The following NUDCD3 variants were observed in gnomAD, a reference collection of about 807,000 sequenced individuals.
NUDCD3 encodes the protein NudC domain containing 3, also known as nudC domain-containing protein 3.
Under a neutral mutation model 39.7 loss-of-function variants are expected in NUDCD3, and 13 were observed. The observed-to-expected ratio is 0.33, with a 90% CI of 0.21 to 0.52. The LOEUF (loss-of-function observed/expected upper bound fraction) is 0.52, where lower values mean the gene tolerates loss of function less well. Ranked by LOEUF, NUDCD3 falls within the 20% of genes least tolerant of loss-of-function variation. The pLI is 0.96. For synonymous variants in NUDCD3, 175 were observed against 172.4 expected (o/e 1.02, Z -0.12); for missense variants, 453 against 458.1 (o/e 0.99, Z 0.10).
intron 2 of NUDCD3, among the ~76,000 whole-genome samples, chr7:44,448,447 T>A (rs988836098): frequency 6.6e-6 from 1 of 152,178 alleles, no homozygotes; most frequent in African/African-American, 2.4e-5. Context: ...ATAGTAACTG[T>A]GATGTAATTC....
chr7:44,405,695 T>C (rs1798807201), intron 3 of NUDCD3, among the ~76,000 whole-genome samples: 1 of 152,256 alleles, frequency 6.6e-6, no homozygotes, highest in African/African-American at 2.4e-5. Context: ...GAGTTTAGTA[T>C]TTCCAATGAA....
rs1798350801 is a variant in NUDCD3 at position 44,383,890 on chromosome 7, A to G, written c.*2121T>C. ...AAGGCGCGCAGGGACAGGCTCCACA[A>G]CCACACCAAGCACCGCAGTGTGGCA... On this transcript the variant is annotated 3_prime_UTR_variant, in exon 6 of 6. Coordinates refer to ENST00000355451, the MANE Select transcript of NUDCD3 (RefSeq NM_015332.4). The G allele has an allele frequency of 2.0e-5, 3 of 152,300 alleles. No individual in the cohort carries two copies. In the South Asian group the frequency reaches 6.2e-4, roughly 32 times the overall value. The allele number at this position is 152,300 out of a possible 1,614,324, so 9.4% of individuals were successfully genotyped here. A position where few individuals can be genotyped will look rare whatever the true frequency, so the allele number is the denominator to read the frequency against.
intron 3 of NUDCD3, among the ~76,000 whole-genome samples, chr7:44,418,367 C>T (rs373009997): frequency 1.4e-4 from 21 of 152,322 alleles, no homozygotes; most frequent in Admixed American, 3.9e-4. Flanking sequence ...GCCAGCACCA[C>T]TTGTATGTAT....
At chr7:44,394,064 T>C (rs1585050828) in intron 4 of NUDCD3, among the ~76,000 whole-genome samples, 1 of 152,190 alleles carries the variant, frequency 6.6e-6, no homozygotes, top group Non-Finnish European at 1.5e-5. Flanking sequence ...AGTCCGAGAA[T>C]GTGTTCTACT....
chr7:44,409,814 T>C (rs1163547755), intron 3 of NUDCD3, among the ~76,000 whole-genome samples: 1 of 152,278 alleles, frequency 6.6e-6, no homozygotes, highest in East Asian at 1.9e-4. Flanking sequence ...CTATTGATAC[T>C]GATAACGAGA....
intron 2 of NUDCD3, among the ~76,000 whole-genome samples, chr7:44,432,978 G>A (rs994019089): frequency 2.0e-5 from 3 of 152,218 alleles, no homozygotes; most frequent in Admixed American, 6.5e-5. Flanking sequence ...GCAGTAGGAG[G>A]TAAGGCCTTT....
At chr7:44,432,225 T>C (rs961442567) in intron 2 of NUDCD3, among the ~76,000 whole-genome samples, 2 of 152,180 alleles carry the variant, frequency 1.3e-5, no homozygotes, top group African/African-American at 4.8e-5. Flanking sequence ...AAGGTTATAA[T>C]GAACTATGAT....
chr7:44,438,467 T>G (rs1799507470), intron 2 of NUDCD3, among the ~76,000 whole-genome samples: 1 of 152,194 alleles, frequency 6.6e-6, no homozygotes. Flanking sequence ...TTCTAATTCA[T>G]CCACAGCTTA....
intron 4 of NUDCD3, chr7:44,402,781 G>A: frequency 4.5e-6 from 2 of 441,364 alleles, no homozygotes; most frequent in Non-Finnish European, 9.2e-6. Context: ...TCAGTCCATG[G>A]AGATGGCAAC....
intron 2 of NUDCD3, among the ~76,000 whole-genome samples, chr7:44,436,416 TAA>T (rs1799464900): frequency 6.6e-6 from 1 of 152,190 alleles, no homozygotes; most frequent in African/African-American, 2.4e-5. Context: ...TCTGAAAATC[TAA>T]AGAGTTTGTC....
intron 2 of NUDCD3, chr7:44,468,329 T>C: frequency 2.4e-6 from 3 of 1,266,414 alleles, no homozygotes; most frequent in Non-Finnish European, 1.1e-6. Flanking sequence ...CGTTTTCTGT[T>C]TAAATAAATG....
At chr7:44,468,079 G>C (rs190009159) in intron 2 of NUDCD3, 1 of 1,612,026 alleles carries the variant, frequency 6.2e-7, no homozygotes, top group Non-Finnish European at 8.5e-7. Flanking sequence ...TTGGTTATGG[G>C]AGCAACAAAA....
intron 2 of NUDCD3, among the ~76,000 whole-genome samples, chr7:44,446,844 T>C (rs893447737): frequency 6.6e-6 from 1 of 152,238 alleles, no homozygotes; most frequent in Non-Finnish European, 1.5e-5. Flanking sequence ...CATGATTATA[T>C]GATTTGACTG....
chr7:44,409,606 C>T (rs1798885081), intron 3 of NUDCD3, among the ~76,000 whole-genome samples: 1 of 151,378 alleles, frequency 6.6e-6, no homozygotes, highest in African/African-American at 2.4e-5. Context: ...AAAGTATGGC[C>T]CATACATAGG....
chr7:44,442,693 C>CTTTTTT (rs869244799), intron 2 of NUDCD3, among the ~76,000 whole-genome samples: 6 of 124,354 alleles, frequency 4.8e-5, no homozygotes, highest in Non-Finnish European at 6.8e-5. Flanking sequence ...CTCCCCTTTT[C>CTTTTTT]TTTTTTTTTT....
At chr7:44,404,178 A>G (rs1034659101) in intron 4 of NUDCD3, among the ~76,000 whole-genome samples, 4 of 151,990 alleles carry the variant, frequency 2.6e-5, no homozygotes. Context: ...CTAGCTTTTC[A>G]TTTTCAATTT....
intron 2 of NUDCD3, among the ~76,000 whole-genome samples, chr7:44,462,051 C>T (rs1426327458): frequency 6.6e-6 from 1 of 152,218 alleles, no homozygotes; most frequent in Non-Finnish European, 1.5e-5. Context: ...AAGAGATGTT[C>T]TGAGGCAGTC....
intron 2 of NUDCD3, among the ~76,000 whole-genome samples, chr7:44,472,729 T>C (rs1277048483): frequency 6.6e-6 from 1 of 152,170 alleles, no homozygotes; most frequent in Non-Finnish European, 1.5e-5. Flanking sequence ...TATACAAAGT[T>C]AAATCCAAGA....
chr7:44,431,089 T>C (rs141005194), intron 2 of NUDCD3, among the ~76,000 whole-genome samples: 433 of 152,300 alleles, frequency 2.8e-3, no homozygotes, highest in Non-Finnish European at 4.7e-3. Flanking sequence ...TCTATTTAAA[T>C]AAGGTTGATT....
Sources: gnomAD v4.1 joint callset for allele counts (sites outside exome capture counted in the v4.1 genomes callset) on GRCh38, gnomAD v4.1.1 for gene constraint, MANE v1.5 for transcripts, NCBI Gene and HGNC (gene_info 2026-07-23, HGNC 2026-07-21) for gene names.